The following NBAS variants were observed in gnomAD, a reference collection of about 807,000 sequenced individuals.
NBAS encodes NBAS subunit of NRZ tethering complex.
Under a neutral mutation model 302.5 loss-of-function variants are expected in NBAS, and 219 were observed. The ratio of observed to expected loss-of-function variants is 0.72; its 90% confidence interval spans 0.65 to 0.81. The LOEUF (loss-of-function observed/expected upper bound fraction) is 0.81. Among genes scored for constraint, NBAS ranks in the 30% least tolerant of loss-of-function variants. The pLI is 0.00. For missense variants in NBAS, 2,932 were observed against 2,841.6 expected (o/e 1.03, Z -0.72); for synonymous variants, 1,118 against 1,021.6 (o/e 1.09, Z -1.80).
In NBAS at chr2:15,540,064, G is replaced by A. The variant is rs1438265274; in HGVS notation, c.380-708C>T. Among the ~76,000 whole-genome samples the A allele has an allele frequency of 2.6e-5, 4 of 152,170 alleles. No individual in the cohort carries two copies. In the East Asian group the frequency reaches 5.8e-4, roughly 22 times the overall value. On this transcript the variant is annotated intron_variant, in intron 6 of 51. Transcript: ENST00000281513. Reference sequence around the variant, plus strand: ...ATCAGCTGCAAAAGAAGAAAAAGAGGATGTGAAACTCTATGTTAGATTTGT... The same window carrying A: ...ATCAGCTGCAAAAGAAGAAAAAGAGAATGTGAAACTCTATGTTAGATTTGT...
At chr2:15,428,881 A>C (rs1470171525) in intron 21 of NBAS, among the ~76,000 whole-genome samples, 1 of 149,728 alleles carries the variant, frequency 6.7e-6, no homozygotes, top group East Asian at 1.9e-4. Context: ...GTTTCTACTA[A>C]AAATATGAAA....
intron 51 of NBAS, among the ~76,000 whole-genome samples, chr2:15,174,949 C>G (rs746197752): frequency 2.6e-5 from 4 of 152,062 alleles, no homozygotes; most frequent in African/African-American, 9.7e-5. Flanking sequence ...AATTAGGTAC[C>G]GGAGGTCCTA....
intron 11 of NBAS, among the ~76,000 whole-genome samples, chr2:15,497,012 A>C (rs56385450): frequency 0.01 from 1,576 of 152,226 alleles, 36 homozygotes; most frequent in African/African-American, 0.036. Flanking sequence ...TTAATTAATG[A>C]GGACAAATAA....
chr2:15,424,447 G>C lies in NBAS; in HGVS notation c.2445C>G (p.Leu815=). Residue 815 remains leucine (L), a synonymous_variant, in exon 23 of 52, where the codon CTC becomes CTG. Transcript: ENST00000281513. ...CATACAAGAATTCACTTTCATCTTG[G>C]AGATTCGGCTCAACAACCATTCTGT... ...LACRMVVEPN[L]QDESEFLYAA... The C allele has an allele frequency of 6.2e-7, 1 of 1,614,066 alleles. No homozygotes were observed. Among genetic ancestry groups the C allele is most frequent in the Non-Finnish European group, 8.5e-7 (1 of 1,179,982 alleles).
rs181146681 is a variant in NBAS at position 15,406,470 on chromosome 2, G to A, written c.2938-4169C>T. Among the ~76,000 whole-genome samples the A allele has an allele frequency of 3.3e-5, 5 of 152,248 alleles. No homozygotes were observed. The South Asian group carries it at 1.0e-3, about 32-fold the overall frequency. ...AACCATGCAAGTACTAGAAGAAAAC[G>A]TGAGAGAATTCTTCCTTAACTCTGA... On this transcript the variant is annotated intron_variant, in intron 25 of 51. Transcript: ENST00000281513.
chr2:15,468,480 AG>A lies in NBAS; in HGVS notation c.1778del (p.Pro593LeufsTer15), dbSNP rs1558367311. Reference protein sequence around the residue: ...WVLHECLERVPENVDAAKELL... With the variant: ...WVLHECLERVXENVDAAKELL... ...GTTCTTTTGCAGCATCCACATTTTC[AG>A]GAACTCTTTCCAAACACTCATGGAG... On this transcript the variant is annotated frameshift_variant, in exon 17 of 52. Coordinates refer to ENST00000281513, the MANE Select transcript of NBAS (RefSeq NM_015909.4). LOFTEE classifies it high-confidence loss of function. The A allele has an allele frequency of 6.2e-7, 1 of 1,614,074 alleles. No individual in the cohort carries two copies.
intron 35 of NBAS, among the ~76,000 whole-genome samples, chr2:15,343,078 A>T (rs1175397558): frequency 6.6e-6 from 1 of 152,142 alleles, no homozygotes; most frequent in Non-Finnish European, 1.5e-5. Flanking sequence ...CCAGAGAAGA[A>T]CCATGAATCA....
At chr2:15,110,272 T>C in the NBAS span, among the ~76,000 whole-genome samples, 2 of 152,126 alleles carry the variant, frequency 1.3e-5, no homozygotes, top group Admixed American at 6.6e-5. Context: ...AGTAGGTAGT[T>C]GTGAGATGCA....
intron 21 of NBAS, among the ~76,000 whole-genome samples, chr2:15,435,524 G>A (rs1677968309): frequency 6.6e-6 from 1 of 152,168 alleles, no homozygotes; most frequent in Non-Finnish European, 1.5e-5. Flanking sequence ...CATTTTACAG[G>A]AGAGGAGACA....
At chr2:15,302,839 A>T (rs1007657189) in intron 40 of NBAS, among the ~76,000 whole-genome samples, 2 of 152,198 alleles carry the variant, frequency 1.3e-5, no homozygotes, top group African/African-American at 4.8e-5. Flanking sequence ...CCTAGAATAA[A>T]GCAGGCAGAA....
chr2:14,962,170 C>T, the NBAS span, among the ~76,000 whole-genome samples: 1 of 152,072 alleles, frequency 6.6e-6, no homozygotes, highest in Admixed American at 6.5e-5. Context: ...TCACAGCGTC[C>T]GTCCTGAGCT....
chr2:15,388,756 T>C (rs143747266), intron 28 of NBAS, among the ~76,000 whole-genome samples: 10 of 152,260 alleles, frequency 6.6e-5, no homozygotes, highest in African/African-American at 2.4e-4. Context: ...CAACAGAGAA[T>C]GTATAAATAA....
At chr2:14,982,343 T>C in the NBAS span, among the ~76,000 whole-genome samples, 2 of 152,180 alleles carry the variant, frequency 1.3e-5, no homozygotes, top group Admixed American at 1.3e-4. Context: ...ACCCACGGAA[T>C]GGTGGAAATC....
At chr2:15,295,952 T>G (rs1670531985) in intron 40 of NBAS, among the ~76,000 whole-genome samples, 1 of 152,130 alleles carries the variant, frequency 6.6e-6, no homozygotes, top group African/African-American at 2.4e-5. Flanking sequence ...AAAGGTATTT[T>G]AAAGCTCTCC....
the NBAS span, among the ~76,000 whole-genome samples, chr2:14,872,552 G>A: frequency 6.6e-6 from 1 of 152,212 alleles, no homozygotes; most frequent in Non-Finnish European, 1.5e-5. Flanking sequence ...ATTTGGAAGT[G>A]TCTGGAGTTT....
chr2:14,958,719 G>T, the NBAS span, among the ~76,000 whole-genome samples: 1 of 152,136 alleles, frequency 6.6e-6, no homozygotes, highest in Non-Finnish European at 1.5e-5. Flanking sequence ...AACAAAAGTT[G>T]ATGATATGTA....
intron 40 of NBAS, among the ~76,000 whole-genome samples, chr2:15,297,425 C>A (rs769901243): frequency 1.3e-5 from 2 of 152,180 alleles, no homozygotes; most frequent in Non-Finnish European, 2.9e-5. Context: ...CTGAAAAAGG[C>A]CCTGGTGGGA....
At chr2:15,129,546 C>T in the NBAS span, among the ~76,000 whole-genome samples, 1 of 152,328 alleles carries the variant, frequency 6.6e-6, no homozygotes, top group East Asian at 1.9e-4. Flanking sequence ...CAGCCAGACA[C>T]GGGGCTCCCA....
chr2:15,042,828 C>CT, the NBAS span, among the ~76,000 whole-genome samples: 31 of 152,330 alleles, frequency 2.0e-4, no homozygotes, highest in African/African-American at 7.2e-4. Context: ...CAGCCCATGA[C>CT]TTAAACCAGA....
Sources: allele counts gnomAD v4.1 joint callset (sites outside exome capture counted in the v4.1 genomes callset), GRCh38; gene constraint gnomAD v4.1.1; transcripts MANE v1.5; gene names NCBI Gene and HGNC (gene_info 2026-07-23, HGNC 2026-07-21).